Variants in ZPBP observed in about 807,000 individuals in gnomAD.
ZPBP encodes zona pellucida-binding protein 1.
A neutral mutation model predicts 44.8 loss-of-function variants in ZPBP; 26 were observed. The observed-to-expected ratio is 0.58, with a 90% CI of 0.43 to 0.81. The LOEUF is 0.81. ZPBP is among the 30% of genes least tolerant of loss of function. ZPBP has a pLI of 0.00. For synonymous variants in ZPBP, 174 were observed against 153.2 expected (o/e 1.14, Z -1.00); for missense variants, 409 against 434.0 (o/e 0.94, Z 0.51).
intron 2 of ZPBP, among the ~76,000 whole-genome samples, chr7:50,085,131 C>G (rs1802570823): frequency 6.6e-6 from 1 of 151,940 alleles, no homozygotes; most frequent in South Asian, 2.1e-4. Flanking sequence ...GACTGATCTC[C>G]TTATAAAAAG....
At chr7:50,028,358 A>C (rs1441569757) in intron 5 of ZPBP, among the ~76,000 whole-genome samples, 1 of 152,044 alleles carries the variant, frequency 6.6e-6, no homozygotes, top group Non-Finnish European at 1.5e-5. Flanking sequence ...TTTCATTATA[A>C]ACCCACAGCA....
chr7:49,866,127 G>A (rs1032965220), intron 2 of ZPBP, among the ~76,000 whole-genome samples: 7 of 151,860 alleles, frequency 4.6e-5, no homozygotes, highest in African/African-American at 4.8e-5. Context: ...CCTTCATATC[G>A]CCTCTAAATT....
intron 5 of ZPBP, among the ~76,000 whole-genome samples, chr7:50,020,479 C>T (rs1437175338): frequency 1.3e-5 from 2 of 152,032 alleles, no homozygotes; most frequent in Non-Finnish European, 2.9e-5. Flanking sequence ...ATGGTGTCAA[C>T]AGGCAACAGA....
At position 50,058,267 on chromosome 7, in the gene ZPBP, C is replaced by T. The variant is rs142982939; in HGVS notation, c.335-126G>A. 8.1e-4 allele frequency: 783 copies of T among 963,916 alleles called. 3 individuals are homozygous for T. In the African/African-American group the frequency reaches 0.01, roughly 13 times the overall value. 59.7% of individuals were successfully genotyped at this position (963,916 alleles called of 1,614,324 possible). On this transcript the variant is annotated intron_variant, in intron 3 of 7. Transcript: ENST00000046087. The stretch of plus-strand genomic sequence containing the variant: ...TCAATGAAAGGAGTGGGGGGCATAG[C>T]TAGGACATTACATCTGGTATCTGCT...
chr7:50,081,345 G>A (rs1273016829), intron 3 of ZPBP, among the ~76,000 whole-genome samples: 1 of 151,658 alleles, frequency 6.6e-6, no homozygotes, highest in African/African-American at 2.4e-5. Flanking sequence ...AACAAAGCCA[G>A]CTAAGTTAAC....
chr7:49,918,927 G>A (rs1269654456), intron 1 of ZPBP: 1 of 152,076 alleles, frequency 6.6e-6, no homozygotes, highest in African/African-American at 2.4e-5. Flanking sequence ...TGGGCATGGT[G>A]GCACATGCCT....
At chr7:49,937,828 C>G (rs891022614) in intron 7 of ZPBP, among the ~76,000 whole-genome samples, 6 of 152,174 alleles carry the variant, frequency 3.9e-5, no homozygotes, top group African/African-American at 1.2e-4. Context: ...AACCACCATT[C>G]TACCTTTGGT....
At chr7:49,897,235 C>T (rs918947931) in intron 2 of ZPBP, among the ~76,000 whole-genome samples, 12 of 152,056 alleles carry the variant, frequency 7.9e-5, no homozygotes, top group African/African-American at 2.9e-4. Flanking sequence ...AATAGTAATA[C>T]CAAACATTGA....
chr7:49,887,619 TG>T (rs975929993), intron 2 of ZPBP, among the ~76,000 whole-genome samples: 32 of 152,216 alleles, frequency 2.1e-4, no homozygotes, highest in African/African-American at 6.8e-4. Flanking sequence ...GGTTTCCATT[TG>T]TACAGGATTC....
At chr7:49,974,461 A>G (rs1418147915) in intron 7 of ZPBP, among the ~76,000 whole-genome samples, 1 of 152,200 alleles carries the variant, frequency 6.6e-6, no homozygotes, top group Middle Eastern at 3.2e-3. Context: ...TACAAATTTT[A>G]CTTTACAGAA....
intron 2 of ZPBP, among the ~76,000 whole-genome samples, chr7:49,854,136 C>T (rs1444134480): frequency 4.6e-5 from 7 of 152,160 alleles, no homozygotes; most frequent in Middle Eastern, 3.4e-3. Flanking sequence ...TGGGTTGGTT[C>T]CAAGTCTTTG....
intron 1 of ZPBP, among the ~76,000 whole-genome samples, chr7:49,923,602 AATATGAAAACTTC>A (rs1379168154): frequency 3.4e-5 from 4 of 118,154 alleles, no homozygotes; most frequent in Non-Finnish European, 7.1e-5. Context: ...GTGTGTTTTA[AATATGAAAACTTC>A]TTCTTCTTCT....
intron 7 of ZPBP, among the ~76,000 whole-genome samples, chr7:49,968,191 C>T (rs1796139513): frequency 2.0e-5 from 3 of 151,852 alleles, no homozygotes; most frequent in Admixed American, 1.3e-4. Context: ...TCAGGAAATA[C>T]TCCAAATTCA....
At chr7:50,013,896 T>A (rs1454282737) in intron 6 of ZPBP, among the ~76,000 whole-genome samples, 2 of 152,130 alleles carry the variant, frequency 1.3e-5, no homozygotes, top group Non-Finnish European at 2.9e-5. Context: ...ATCTGCTATA[T>A]ATGGCAGTGG....
chr7:49,883,799 T>A (rs942415865), intron 2 of ZPBP, among the ~76,000 whole-genome samples: 2 of 152,220 alleles, frequency 1.3e-5, no homozygotes, highest in Admixed American at 1.3e-4. Flanking sequence ...AAGTATCAGT[T>A]AAAATCAATG....
intron 2 of ZPBP, among the ~76,000 whole-genome samples, chr7:49,878,217 G>C (rs1248325279): frequency 6.6e-6 from 1 of 151,956 alleles, no homozygotes; most frequent in Admixed American, 6.6e-5. Flanking sequence ...ACATATATTC[G>C]TTCCTTGTAT....
At position 50,081,763 on chromosome 7, in the gene ZPBP, C is replaced by G. The variant is rs557944041; in HGVS notation, c.334+11G>C. On this transcript the variant is annotated intron_variant, in intron 3 of 7. Transcript: ENST00000046087. ...ATTTATTTAATTACAATAATTGAAA[C>G]AAAATCCTACCTGAAACAACTTTTC... is the stretch of plus-strand genomic sequence containing the variant. 1.5e-5 allele frequency: 24 copies of G among 1,610,122 alleles called. No homozygotes were observed. The highest frequency in any genetic ancestry group is 2.0e-5 in the Non-Finnish European group (24 of 1,177,590).
rs534911538 is a variant in ZPBP, at chr7:49,975,198, C to T, written c.961+8144G>A. 2.0e-5 allele frequency among the ~76,000 whole-genome samples: 3 copies of T among 152,240 alleles called. No individual in the cohort carries two copies. In the South Asian group the frequency reaches 6.2e-4, roughly 32 times the overall value. On this transcript the variant is annotated intron_variant, in intron 7 of 7. Transcript: ENST00000046087. ...ATGGGAGCTCCTACCCTCCTCAAGGCCAGAGTGCCAATCCCCAGTCTGAGA... is the reference window on the plus strand; with the variant it reads ...ATGGGAGCTCCTACCCTCCTCAAGGTCAGAGTGCCAATCCCCAGTCTGAGA...
At chr7:50,064,288 T>C (rs915621564) in intron 3 of ZPBP, among the ~76,000 whole-genome samples, 5 of 152,008 alleles carry the variant, frequency 3.3e-5, no homozygotes, top group Non-Finnish European at 7.4e-5. Flanking sequence ...TAATAGAATA[T>C]CACAAGGCAA....
Sources: allele counts gnomAD v4.1 joint callset (sites outside exome capture counted in the v4.1 genomes callset), GRCh38; gene constraint gnomAD v4.1.1; transcripts MANE v1.5; gene names NCBI Gene and HGNC (gene_info 2026-07-23, HGNC 2026-07-21).